The following SLIT2 variants were observed in gnomAD, a reference collection of about 807,000 sequenced individuals.
SLIT2 encodes the protein slit guidance ligand 2.
SLIT2 carries 41 observed loss-of-function variants against 185.7 expected under a neutral mutation model. The observed-to-expected ratio is 0.22, with a 90% CI of 0.17 to 0.29. The LOEUF (loss-of-function observed/expected upper bound fraction) is 0.29, where lower values mean the gene tolerates loss of function less well. Among genes scored for constraint, SLIT2 ranks in the 10% least tolerant of loss-of-function variants. The pLI is 1.00. For missense variants in SLIT2, 1,571 were observed against 1,909.0 expected (o/e 0.82, Z 3.30); for synonymous variants, 693 against 680.2 (o/e 1.02, Z -0.29).
intron 34 of SLIT2, among the ~76,000 whole-genome samples, chr4:20,613,874 T>A (rs561885648): frequency 1.2e-4 from 18 of 152,184 alleles, no homozygotes; most frequent in African/African-American, 4.1e-4. Flanking sequence ...TTGACACAAT[T>A]TTTTTTGTTT....
intron 4 of SLIT2, among the ~76,000 whole-genome samples, chr4:20,347,967 G>GAAAAC (rs1156374910): frequency 3.3e-5 from 5 of 152,054 alleles, no homozygotes; most frequent in African/African-American, 4.8e-5. Flanking sequence ...TTTGTTTTAG[G>GAAAAC]AAAACAAAAC....
At chr4:20,474,651 C>A (rs1293049212) in intron 5 of SLIT2, among the ~76,000 whole-genome samples, 1 of 151,952 alleles carries the variant, frequency 6.6e-6, no homozygotes, top group East Asian at 1.9e-4. Flanking sequence ...TCTTATGATA[C>A]AGAATGGACC....
chr4:20,258,242 G>A (rs549434699), intron 3 of SLIT2, among the ~76,000 whole-genome samples: 31 of 151,802 alleles, frequency 2.0e-4, no homozygotes, highest in Middle Eastern at 3.4e-3. Context: ...TGTTTTATTT[G>A]CTCATGTAGG....
At chr4:20,512,924 ATTAT>A (rs1471155281) in intron 11 of SLIT2, among the ~76,000 whole-genome samples, 2 of 152,208 alleles carry the variant, frequency 1.3e-5, no homozygotes, top group African/African-American at 4.8e-5. Flanking sequence ...TTACAAGTAA[ATTAT>A]AAATAGAACA....
At chr4:20,310,469 GA>G (rs1280479752) in intron 4 of SLIT2, among the ~76,000 whole-genome samples, 1 of 152,142 alleles carries the variant, frequency 6.6e-6, no homozygotes, top group African/African-American at 2.4e-5. Context: ...ATATCACACT[GA>G]GACTTTTCTC....
At chr4:20,438,924 T>C (rs1234067132) in intron 4 of SLIT2, among the ~76,000 whole-genome samples, 1 of 152,246 alleles carries the variant, frequency 6.6e-6, no homozygotes, top group Non-Finnish European at 1.5e-5. Context: ...TATTTTATAT[T>C]CACCTTCCCT....
chr4:20,506,031 A>C (rs1719176809), intron 9 of SLIT2, among the ~76,000 whole-genome samples: 1 of 152,036 alleles, frequency 6.6e-6, no homozygotes, highest in Non-Finnish European at 1.5e-5. Context: ...CATGTAACTA[A>C]AATTTCCTTC....
chr4:20,617,730 AG>A, intron 36 of SLIT2, 80 bp downstream of exon 36: 10 of 722,710 alleles, frequency 1.4e-5, no homozygotes, highest in Admixed American at 3.4e-5. Context: ...AGGGAGAAAA[AG>A]TGAAAAAAAA....
chr4:20,333,848 T>G (rs1720268109), intron 4 of SLIT2, among the ~76,000 whole-genome samples: 2 of 152,292 alleles, frequency 1.3e-5, no homozygotes, highest in Admixed American at 1.3e-4. Context: ...TGAAAAATGG[T>G]TTCAGAAGAA....
rs16869582 is a variant in SLIT2 at position 20,425,588 on chromosome 4, T to C, written c.396-42164T>C. 7.0e-3 allele frequency among the ~76,000 whole-genome samples: 1,060 copies of C among 152,304 alleles called. 22 individuals are homozygous for C. The highest frequency in any genetic ancestry group is 0.024 in the African/African-American group (1,002 of 41,562). ...CATATTGATTAGATACAATTTTAAC[T>C]TGCTGGAAATTACTTTCTAAAAATA... is the stretch of plus-strand genomic sequence containing the variant. On this transcript the variant is annotated intron_variant, in intron 4 of 36. Coordinates refer to ENST00000504154, the MANE Select transcript of SLIT2 (RefSeq NM_004787.4).
In SLIT2 at chr4:20,532,023, A is replaced by G; in HGVS notation, c.1653A>G (p.Thr551=). 2 of 1,579,544 alleles carry G rather than the reference A, an allele frequency of 1.3e-6. No individual in the cohort carries two copies. Among genetic ancestry groups the G allele is most frequent in the Non-Finnish European group, 1.7e-6 (2 of 1,169,582 alleles). ...NNNEFTVLEA[T]GIFKKLPQLR... Reference sequence around the variant, plus strand: ...ATGAATTTACCGTGTTGGAAGCCACAGGAATCTTTAAGAAACTTCCTCAAT... The same window carrying G: ...ATGAATTTACCGTGTTGGAAGCCACGGGAATCTTTAAGAAACTTCCTCAAT... The change falls in exon 17 of 37, where the codon ACA becomes ACG. Residue 551 remains threonine (T), a synonymous_variant. Coordinates refer to ENST00000504154, the MANE Select transcript of SLIT2 (RefSeq NM_004787.4).
chr4:20,536,898 C>T (rs929453907), intron 18 of SLIT2, among the ~76,000 whole-genome samples: 1 of 152,010 alleles, frequency 6.6e-6, no homozygotes, highest in Non-Finnish European at 1.5e-5. Context: ...AAGAAACAAA[C>T]ACATACATTA....
intron 11 of SLIT2, among the ~76,000 whole-genome samples, chr4:20,518,315 C>T (rs1248528783): frequency 3.6e-5 from 5 of 137,606 alleles, no homozygotes; most frequent in Non-Finnish European, 7.8e-5. Flanking sequence ...TGCAGTGGCG[C>T]GATCTCGGCT....
At chr4:20,377,917 T>C (rs1724169001) in intron 4 of SLIT2, among the ~76,000 whole-genome samples, 1 of 152,120 alleles carries the variant, frequency 6.6e-6, no homozygotes, top group South Asian at 2.1e-4. Flanking sequence ...AAATGAAGAA[T>C]AAGGAAAAAC....
chr4:20,253,734 C>A lies in SLIT2; in HGVS notation c.-82C>A, dbSNP rs1007773820. 3 of 1,525,264 alleles carry A rather than the reference C, an allele frequency of 2.0e-6. No homozygotes were observed. Among genetic ancestry groups the A allele is most frequent in the African/African-American group, 1.4e-5 (1 of 73,596 alleles). The allele number at this position is 1,525,264 out of a possible 1,614,324, so 94.5% of individuals were successfully genotyped here. On this transcript the variant is annotated 5_prime_UTR_variant, in exon 1 of 37. Transcript: ENST00000504154. The stretch of plus-strand genomic sequence containing the variant: ...GTTGCTAGCCCCGCCGGGCACTGGG[C>A]CTCAGACACTGCGCGGTTCCCTCGG...
intron 21 of SLIT2, among the ~76,000 whole-genome samples, chr4:20,545,706 A>G (rs1396590857): frequency 6.6e-6 from 1 of 152,084 alleles, no homozygotes; most frequent in Non-Finnish European, 1.5e-5. Flanking sequence ...AATGAATTTC[A>G]TGGTATTGTG....
At chr4:20,429,290 C>T (rs1447975376) in intron 4 of SLIT2, among the ~76,000 whole-genome samples, 1 of 151,956 alleles carries the variant, frequency 6.6e-6, no homozygotes, top group Non-Finnish European at 1.5e-5. Context: ...AATGAAGTTT[C>T]CTATGCAATC....
At chr4:20,442,227 G>C (rs938822131) in intron 4 of SLIT2, among the ~76,000 whole-genome samples, 1 of 152,054 alleles carries the variant, frequency 6.6e-6, no homozygotes, top group Non-Finnish European at 1.5e-5. Flanking sequence ...GTTTAGAAAG[G>C]GGGACTGGTT....
At chr4:20,592,640 AT>A (rs1727600781) in intron 30 of SLIT2, among the ~76,000 whole-genome samples, 1 of 151,972 alleles carries the variant, frequency 6.6e-6, no homozygotes, top group Admixed American at 6.6e-5. Flanking sequence ...TTTCACTTTG[AT>A]TTCTTTTTTC....
Sources: allele counts gnomAD v4.1 joint callset (sites outside exome capture counted in the v4.1 genomes callset), GRCh38; gene constraint gnomAD v4.1.1; transcripts MANE v1.5; gene names NCBI Gene and HGNC (gene_info 2026-07-23, HGNC 2026-07-21).